GLIS3: variants seen among roughly 807,000 people sequenced by gnomAD.
GLIS3 encodes the protein GLIS family zinc finger 3.
A neutral mutation model predicts 78.6 loss-of-function variants in GLIS3; 53 were observed. That is an observed-to-expected ratio of 0.67 (90% CI 0.54 to 0.85). The LOEUF (loss-of-function observed/expected upper bound fraction) is 0.85. Ranked by LOEUF, GLIS3 falls within the 40% of genes least tolerant of loss-of-function variation. The pLI is 0.00. For missense variants in GLIS3, 1,703 were observed against 1,231.1 expected, an observed-to-expected ratio of 1.38 and a Z score of -5.74; for synonymous variants, 684 against 509.9, an observed-to-expected ratio of 1.34 and a Z score of -4.60.
intron 1 of GLIS3, among the ~76,000 whole-genome samples, chr9:4,293,583 G>C (rs554408592): frequency 3.9e-5 from 6 of 152,232 alleles, no homozygotes; most frequent in Admixed American, 3.9e-4. Flanking sequence ...AAAAGGTTGG[G>C]AAAACATTAA....
intron 2 of GLIS3, among the ~76,000 whole-genome samples, chr9:4,218,293 T>A (rs2131321807): frequency 6.6e-6 from 1 of 152,334 alleles, no homozygotes; most frequent in South Asian, 2.1e-4. Flanking sequence ...GTTGAACTTT[T>A]TTTTTTTTGA....
chr9:4,304,585 AGAAATG>A (rs771422894), upstream of GLIS3, among the ~76,000 whole-genome samples: 3 of 152,220 alleles, frequency 2.0e-5, no homozygotes, highest in Non-Finnish European at 4.4e-5. Context: ...AGGGAAGAAA[AGAAATG>A]GAAAATAGGG....
At position 3,850,702 on chromosome 9, in the gene GLIS3, C is replaced by T. The variant is rs188341311; in HGVS notation, c.2473+5307G>A. On this transcript the variant is annotated intron_variant, in intron 9 of 10. Coordinates refer to ENST00000381971, the MANE Select transcript of GLIS3 (RefSeq NM_001042413.2). ...ACAGTTAGCATGGCACAAAACCCTTCGTGAGCTGGCCTTGTGAGTTCTCCA... is the reference window on the plus strand; with the variant it reads ...ACAGTTAGCATGGCACAAAACCCTTTGTGAGCTGGCCTTGTGAGTTCTCCA... Among the ~76,000 whole-genome samples, 19 of 152,290 alleles carry T rather than the reference C, an allele frequency of 1.2e-4. No homozygotes were observed. The East Asian group carries it at 3.5e-3, about 28-fold the overall frequency.
At chr9:4,232,093 C>T (rs1433981591) in intron 2 of GLIS3, among the ~76,000 whole-genome samples, 1 of 152,138 alleles carries the variant, frequency 6.6e-6, no homozygotes, top group Admixed American at 6.5e-5. Flanking sequence ...ATGAAACAGA[C>T]AGGACTGGGC....
At chr9:4,330,069 G>C (rs555533082) in intron 2 of GLIS3, among the ~76,000 whole-genome samples, 2 of 152,210 alleles carry the variant, frequency 1.3e-5, no homozygotes, top group African/African-American at 4.8e-5. Context: ...CTTTCCATCA[G>C]GAATGCAAAT....
chr9:4,361,593 G>A, the GLIS3 span, among the ~76,000 whole-genome samples: 1 of 152,212 alleles, frequency 6.6e-6, no homozygotes, highest in Admixed American at 6.5e-5. Context: ...GAGATGCCAA[G>A]ATAAATCCTG....
At chr9:4,464,928 C>T in the GLIS3 span, among the ~76,000 whole-genome samples, 2 of 152,168 alleles carry the variant, frequency 1.3e-5, no homozygotes, top group South Asian at 2.1e-4. Context: ...TAAGATAAAA[C>T]ACAAACCTGT....
the GLIS3 span, among the ~76,000 whole-genome samples, chr9:4,464,454 G>C: frequency 6.6e-6 from 1 of 151,636 alleles, no homozygotes; most frequent in Non-Finnish European, 1.5e-5. Context: ...GAGTGCAGTG[G>C]CACAATCTCA....
chr9:3,847,605 G>C (rs571559795), intron 9 of GLIS3, among the ~76,000 whole-genome samples: 47 of 152,326 alleles, frequency 3.1e-4, no homozygotes, highest in Non-Finnish European at 5.6e-4. Context: ...TATATATGTA[G>C]ATTATTCACA....
chr9:4,175,898 C>T (rs753093503), intron 2 of GLIS3, among the ~76,000 whole-genome samples: 1 of 152,106 alleles, frequency 6.6e-6, no homozygotes, highest in Non-Finnish European at 1.5e-5. Flanking sequence ...GCTAGAGGTT[C>T]CACAATTTGG....
intron 4 of GLIS3, among the ~76,000 whole-genome samples, chr9:3,944,095 T>C (rs1417817998): frequency 6.6e-6 from 1 of 152,192 alleles, no homozygotes; most frequent in Admixed American, 6.5e-5. Context: ...TATGTTGCTT[T>C]TTAACATTTG....
the GLIS3 span, among the ~76,000 whole-genome samples, chr9:4,371,296 G>C: frequency 6.6e-6 from 1 of 152,130 alleles, no homozygotes; most frequent in Non-Finnish European, 1.5e-5. Context: ...TGCACTGTAG[G>C]GAAATAGGCA....
intron 4 of GLIS3, among the ~76,000 whole-genome samples, chr9:4,108,529 C>G (rs1249911535): frequency 6.6e-6 from 1 of 152,140 alleles, no homozygotes; most frequent in African/African-American, 2.4e-5. Flanking sequence ...CTCCCAACCC[C>G]AAATCCATTC....
At chr9:4,443,716 G>T in the GLIS3 span, among the ~76,000 whole-genome samples, 2 of 152,230 alleles carry the variant, frequency 1.3e-5, no homozygotes. Flanking sequence ...TGGGGAACAG[G>T]AAAAGGAGTA....
intron 7 of GLIS3, among the ~76,000 whole-genome samples, chr9:3,886,345 T>G (rs879513020): frequency 6.6e-6 from 1 of 152,196 alleles, no homozygotes; most frequent in Admixed American, 6.5e-5. Context: ...AAAATGTACT[T>G]TATTTTGCAC....
intron 2 of GLIS3, among the ~76,000 whole-genome samples, chr9:4,333,880 C>G: frequency 6.6e-6 from 1 of 152,082 alleles, no homozygotes; most frequent in East Asian, 1.9e-4. Context: ...TTTCAGGCAA[C>G]GCCAGGGAAA....
At chr9:4,350,412 G>A (rs1354338074), upstream of GLIS3, among the ~76,000 whole-genome samples, 2 of 152,066 alleles carry the variant, frequency 1.3e-5, no homozygotes, top group African/African-American at 4.8e-5. Context: ...ATCTCTATAT[G>A]GATAGAAACA....
At chr9:4,258,110 T>C (rs1286974204) in intron 2 of GLIS3, among the ~76,000 whole-genome samples, 1 of 152,216 alleles carries the variant, frequency 6.6e-6, no homozygotes, top group Non-Finnish European at 1.5e-5. Flanking sequence ...CTAGGGTTAA[T>C]TTTATTTTAT....
chr9:4,081,534 G>A lies in GLIS3; in HGVS notation c.1710+36234C>T, dbSNP rs556283293. Among the ~76,000 whole-genome samples the A allele has an allele frequency of 3.9e-5, 6 of 152,276 alleles. No homozygotes were observed. In the East Asian group the frequency reaches 5.8e-4, roughly 15 times the overall value. On this transcript the variant is annotated intron_variant, in intron 4 of 10. Coordinates refer to ENST00000381971, the MANE Select transcript of GLIS3 (RefSeq NM_001042413.2). ...TGGAGAAAACACTGTGGACCCCCAC[G>A]ATACTGGAACCTAAGGTGGATGGAG... is the stretch of plus-strand genomic sequence containing the variant.
Sources: allele counts gnomAD v4.1 joint callset (sites outside exome capture counted in the v4.1 genomes callset), GRCh38; gene constraint gnomAD v4.1.1; transcripts MANE v1.5; gene names NCBI Gene and HGNC (gene_info 2026-07-23, HGNC 2026-07-21).